PDE6G: variants seen among roughly 807,000 people sequenced by gnomAD.
The protein encoded by PDE6G is phosphodiesterase 6G.
PDE6G carries 10 observed loss-of-function variants against 10.9 expected under a neutral mutation model. The ratio of observed to expected loss-of-function variants is 0.91; its 90% CI spans 0.56 to 1.55. The LOEUF (loss-of-function observed/expected upper bound fraction) is 1.55. Among genes scored for constraint, PDE6G ranks in the 40% most tolerant of loss-of-function variants. PDE6G has a pLI of 0.00. For missense variants in PDE6G, 102 were observed against 110.1 expected, an observed-to-expected ratio of 0.93 and a Z score of 0.33; for synonymous variants, 41 against 42.8, an observed-to-expected ratio of 0.96 and a Z score of 0.16.
rs747300077 is a variant in PDE6G, at chr17:81,656,496, G to C, written c.-63C>G. The C allele has an allele frequency of 3.9e-5, 30 of 763,108 alleles. No individual in the cohort carries two copies. The highest frequency in any genetic ancestry group is 7.0e-5 in the Non-Finnish European group (29 of 417,158). 47.3% of individuals were successfully genotyped at this position (763,108 alleles called of 1,614,324 possible). ...AGCGGGGTTGGCCACTACTCACCAA[G>C]TGCAGGGCGGGTCTCAGGGGGCTGT... On this transcript the variant is annotated 5_prime_UTR_variant, in exon 1 of 4. Coordinates refer to ENST00000331056, the MANE Select transcript of PDE6G (RefSeq NM_002602.4).
At chr17:81,656,061 A>G (rs926751571) in intron 1 of PDE6G, among the ~76,000 whole-genome samples, 2 of 151,788 alleles carry the variant, frequency 1.3e-5, no homozygotes, top group Admixed American at 1.3e-4. Context: ...CATATCCTAG[A>G]TAGCACAGGC....
At chr17:81,656,434 C>A in intron 1 of PDE6G, 59 bp downstream of exon 1, 1 of 724,764 alleles carries the variant, frequency 1.4e-6, no homozygotes, top group South Asian at 1.4e-5. Flanking sequence ...AGCAGACCCC[C>A]ACTGACTCAC....
rs1437573099 is a variant in PDE6G at position 81,651,270 on chromosome 17, G to C, written c.188-120C>G. On this transcript the variant is annotated intron_variant, in intron 3 of 3. Coordinates refer to ENST00000331056, the MANE Select transcript of PDE6G (RefSeq NM_002602.4). This position sits in a 1 kb window ranked among gnomAD's most constrained non-coding sequence, Gnocchi z 4.8. ...CCTACAGTGTGCTGAGCGGGGACGT[G>C]CGGACGCTGGAGTGGGGCCCTCCTC... 4 of 763,054 alleles carry C rather than the reference G, an allele frequency of 5.2e-6. No individual in the cohort carries two copies. The highest frequency in any genetic ancestry group is 4.0e-5 in the Admixed American group (2 of 49,622). The allele number at this position is 763,054 out of a possible 1,614,324, so 47.3% of individuals were successfully genotyped here.
chr17:81,661,835 T>G, intron 1 of PDE6G, among the ~76,000 whole-genome samples: 1 of 127,408 alleles, frequency 7.8e-6, no homozygotes, highest in African/African-American at 3.1e-5. Context: ...CACTCCAGCC[T>G]GCGACAGAGT....
At chr17:81,657,685 C>T (rs1284597776), upstream of PDE6G, among the ~76,000 whole-genome samples, 1 of 151,392 alleles carries the variant, frequency 6.6e-6, no homozygotes, top group Non-Finnish European at 1.5e-5. Flanking sequence ...TCGAGACCAT[C>T]CTTGCTAACA....
chr17:81,657,476 C>T (rs927786465), upstream of PDE6G, among the ~76,000 whole-genome samples: 2 of 152,238 alleles, frequency 1.3e-5, no homozygotes, highest in Admixed American at 6.5e-5. Context: ...CCACCTATGA[C>T]CCGTGGTCCC....
In PDE6G at chr17:81,653,051, AC is replaced by A. The variant is rs1234798379; in HGVS notation, c.146+108del. On this transcript the variant is annotated intron_variant, in intron 2 of 3. Coordinates refer to ENST00000331056, the MANE Select transcript of PDE6G (RefSeq NM_002602.4). The surrounding 1 kb of genome is among the most constrained non-coding windows in gnomAD (Gnocchi z 5.2). ...TACCTTCCCCAGCTGTGAGGCTGGG[AC>A]CACTCACCCAGTGAAGTGGCCCCAG... is the stretch of plus-strand genomic sequence containing the variant. The A allele has an allele frequency of 5.6e-6, 7 of 1,253,662 alleles. No individual in the cohort carries two copies. In the African/African-American group the frequency reaches 1.0e-4, roughly 19 times the overall value. 77.7% of individuals were successfully genotyped at this position (1,253,662 alleles called of 1,614,324 possible).
intron 1 of PDE6G, among the ~76,000 whole-genome samples, chr17:81,654,460 A>T (rs1336704589): frequency 6.8e-6 from 1 of 146,608 alleles, no homozygotes; most frequent in East Asian, 2.1e-4. Context: ...GCTCACTGCA[A>T]CTTCTGCCTC....
In PDE6G at chr17:81,650,764, G is replaced by A. The variant is rs2036336673; in HGVS notation, c.*310C>T. 2.0e-6 allele frequency: 1 copy of A among 494,378 alleles called. No individual in the cohort carries two copies. 30.6% of individuals were successfully genotyped at this position (494,378 alleles called of 1,614,324 possible). A position where few individuals can be genotyped will look rare whatever the true frequency, so the allele number is the denominator to read the frequency against. On this transcript the variant is annotated 3_prime_UTR_variant, in exon 4 of 4. Coordinates refer to ENST00000331056, the MANE Select transcript of PDE6G (RefSeq NM_002602.4). Reference sequence around the variant, plus strand: ...CTGGGGTCCAGCAGGCTCCCGGGCTGGGGTCCACTTCCCGTTCTCCCTGGG... The same window carrying A: ...CTGGGGTCCAGCAGGCTCCCGGGCTAGGGTCCACTTCCCGTTCTCCCTGGG...
At chr17:81,659,432 C>G (rs754376452), upstream of PDE6G, among the ~76,000 whole-genome samples, 32 of 151,828 alleles carry the variant, frequency 2.1e-4, no homozygotes, top group Non-Finnish European at 3.2e-4. Context: ...AACCCCATCT[C>G]TACTAAAACT....
rs973440152 is a variant in PDE6G at position 81,653,749 on chromosome 17, G to A, written c.-59-385C>T. On this transcript the variant is annotated intron_variant, in intron 1 of 3. Transcript: ENST00000331056. This position sits in a 1 kb window ranked among gnomAD's most constrained non-coding sequence, Gnocchi z 5.2. ...GACAACTTCCTGCCCCTTCCCCTGC[G>A]TTCCCCACCCCAGGGAAGCGTGACT... 4.9e-5 allele frequency: 9 copies of A among 184,860 alleles called. No homozygotes were observed. Among genetic ancestry groups the A allele is most frequent in the South Asian group, 2.5e-4 (2 of 8,022 alleles). The allele number at this position is 184,860 out of a possible 1,614,324, so 11.5% of individuals were successfully genotyped here. A position where few individuals can be genotyped will look rare whatever the true frequency, so the allele number is the denominator to read the frequency against.
At chr17:81,656,892 C>T (rs2036453867), upstream of PDE6G, 3 of 469,864 alleles carry the variant, frequency 6.4e-6, no homozygotes, top group Non-Finnish European at 7.9e-6. Flanking sequence ...CCCTCTGCAG[C>T]CTGGCCCTCA....
chr17:81,654,921 T>A (rs1338753020), intron 1 of PDE6G, among the ~76,000 whole-genome samples: 2 of 151,748 alleles, frequency 1.3e-5, no homozygotes, highest in African/African-American at 2.4e-5. Context: ...CTAATTTATT[T>A]TTTTTTTTGT....
At chr17:81,660,926 T>C (rs932198209), upstream of PDE6G, among the ~76,000 whole-genome samples, 3 of 151,830 alleles carry the variant, frequency 2.0e-5, no homozygotes, top group Admixed American at 6.6e-5. Context: ...GTGTGTGTGA[T>C]TGTTTTGTTT....
chr17:81,652,400 C>T (rs1463586075), intron 2 of PDE6G, among the ~76,000 whole-genome samples: 4 of 152,098 alleles, frequency 2.6e-5, no homozygotes, highest in Non-Finnish European at 4.4e-5. Flanking sequence ...CCTCAGCCTC[C>T]CGAGTAGCTG....
intron 2 of PDE6G, among the ~76,000 whole-genome samples, chr17:81,652,638 C>T (rs543401662): frequency 1.3e-4 from 19 of 147,490 alleles, no homozygotes; most frequent in South Asian, 2.2e-4. Context: ...TGCAATGGCG[C>T]GATCTCAGCT....
intron 2 of PDE6G, among the ~76,000 whole-genome samples, chr17:81,652,492 T>G (rs929774090): frequency 5.3e-5 from 8 of 151,802 alleles, no homozygotes; most frequent in African/African-American, 1.9e-4. Context: ...TTAGCCAGAA[T>G]GGTCTCGATC....
chr17:81,653,176 T>A lies in PDE6G; in HGVS notation c.130A>T (p.Lys44Ter). 6.2e-7 allele frequency: 1 copy of A among 1,613,976 alleles called. No homozygotes were observed. The highest frequency in any genetic ancestry group is 2.2e-5 in the East Asian group (1 of 44,846). ...QTRQFKSKPP[K>*]KGVQGFGDDI... ...TCTGCTTACCCTTGAACGCCTTTCT[T>A]TGGGGGCTTGCTCTTGAACTGCCTG... Residue 44 changes from lysine (K) to a stop codon, truncating the protein, a stop_gained, in exon 2 of 4, where the codon AAG (lysine) becomes TAG (stop). Coordinates refer to ENST00000331056, the MANE Select transcript of PDE6G (RefSeq NM_002602.4). LOFTEE classifies it high-confidence loss of function. The surrounding 1 kb of genome is among the most constrained non-coding windows in gnomAD (Gnocchi z 5.2).
At chr17:81,658,667 C>G (rs1447539838), upstream of PDE6G, among the ~76,000 whole-genome samples, 2 of 151,802 alleles carry the variant, frequency 1.3e-5, no homozygotes, top group African/African-American at 4.8e-5. Context: ...ATGGTGAAAC[C>G]CTGTCTCTAC....
Sources: gnomAD v4.1 joint callset for allele counts (sites outside exome capture counted in the v4.1 genomes callset) on GRCh38, gnomAD v4.1.1 for gene constraint, Gnocchi (gnomAD v3.1) non-coding constraint, MANE v1.5 for transcripts, NCBI Gene and HGNC (gene_info 2026-07-23, HGNC 2026-07-21) for gene names.